The following RBFOX1 variants were observed in gnomAD, a reference collection of about 807,000 sequenced individuals.
RBFOX1 encodes the protein RNA binding protein fox-1 homolog 1.
A neutral mutation model predicts 57.7 loss-of-function variants in RBFOX1; 8 were observed. The observed-to-expected ratio is 0.14, with a 90% CI of 0.08 to 0.25. The LOEUF (loss-of-function observed/expected upper bound fraction) is 0.25. RBFOX1 is among the 10% of genes least tolerant of loss of function. RBFOX1 has a pLI of 1.00. For missense variants in RBFOX1, 611 were observed against 548.5 expected (o/e 1.11, Z -1.14); for synonymous variants, 326 against 222.4 (o/e 1.47, Z -4.15).
intron 4 of RBFOX1, among the ~76,000 whole-genome samples, chr16:7,399,721 A>G (rs966012314): frequency 3.1e-5 from 3 of 97,466 alleles, no homozygotes; most frequent in African/African-American, 1.1e-4. Flanking sequence ...TAAGTTTAAG[A>G]TGACCCCATA....
At chr16:7,606,626 T>G (rs1003345581) in intron 9 of RBFOX1, among the ~76,000 whole-genome samples, 4 of 152,214 alleles carry the variant, frequency 2.6e-5, no homozygotes, top group Admixed American at 2.6e-4. Context: ...CAAAAAACTC[T>G]CCATCCAGAA....
At chr16:7,131,898 T>C (rs2070525730) in intron 4 of RBFOX1, among the ~76,000 whole-genome samples, 1 of 152,132 alleles carries the variant, frequency 6.6e-6, no homozygotes, top group Admixed American at 6.5e-5. Flanking sequence ...GGTGAGAGGC[T>C]TCCCAGTATC....
intron 4 of RBFOX1, among the ~76,000 whole-genome samples, chr16:7,493,391 G>A (rs187245874): frequency 2.6e-5 from 4 of 152,238 alleles, no homozygotes; most frequent in Admixed American, 2.6e-4. Context: ...ACTCAGTAAC[G>A]CCCACAAATC....
chr16:5,912,993 T>C (rs2058635034), intron 4 of RBFOX1, among the ~76,000 whole-genome samples: 1 of 152,120 alleles, frequency 6.6e-6, no homozygotes, highest in African/African-American at 2.4e-5. Context: ...GGATAAAAGT[T>C]CTCTTCTTAG....
intron 2 of RBFOX1, among the ~76,000 whole-genome samples, chr16:6,414,039 C>G (rs1207165324): frequency 1.3e-5 from 2 of 152,176 alleles, no homozygotes; most frequent in African/African-American, 4.8e-5. Context: ...CGCGCAAACA[C>G]AGCAAGTGCA....
At chr16:5,755,580 A>G (rs938004194) in intron 3 of RBFOX1, among the ~76,000 whole-genome samples, 3 of 152,148 alleles carry the variant, frequency 2.0e-5, no homozygotes, top group Admixed American at 1.3e-4. Flanking sequence ...ATCAACTTCC[A>G]TCTAATTACT....
chr16:6,872,476 C>A lies in RBFOX1; in HGVS notation c.-15-179581C>A, dbSNP rs191722107. On this transcript the variant is annotated intron_variant, in intron 3 of 15. Transcript: ENST00000550418. ...ACTTAGGAAACAGCTGAATTAGCCC[C>A]TTGCTTTAGGTTTCAGGCTTCCCTG... Among the ~76,000 whole-genome samples the A allele has an allele frequency of 4.6e-5, 7 of 152,228 alleles. No homozygotes were observed. In the East Asian group the frequency reaches 1.3e-3, roughly 29 times the overall value.
At chr16:5,490,198 G>A in intron 2 of RBFOX1, among the ~76,000 whole-genome samples, 1 of 152,366 alleles carries the variant, frequency 6.6e-6, no homozygotes, top group East Asian at 1.9e-4. Context: ...GACCACCTAT[G>A]TTGGGCTCAT....
chr16:7,527,867 C>T (rs528496924), intron 5 of RBFOX1, among the ~76,000 whole-genome samples: 1 of 152,234 alleles, frequency 6.6e-6, no homozygotes, highest in East Asian at 1.9e-4. Flanking sequence ...ATGTTTTATC[C>T]AGGAGAATAC....
Position 7,570,689 on chromosome 16 carries a change from A to T in RBFOX1, c.271-9088A>T, listed in dbSNP as rs1261337968. Among the ~76,000 whole-genome samples the T allele has an allele frequency of 2.0e-5, 3 of 152,210 alleles. No individual in the cohort carries two copies. In the South Asian group the frequency reaches 6.2e-4, roughly 32 times the overall value. ...TGGAAAACAGTGTGGTGATTCCTCA[A>T]ATACCTGGAACCAGAAATACCATTT... On this transcript the variant is annotated intron_variant, in intron 5 of 15. Coordinates refer to ENST00000550418, the MANE Select transcript of RBFOX1 (RefSeq NM_018723.4).
chr16:7,020,847 C>T (rs1444236934), intron 3 of RBFOX1, among the ~76,000 whole-genome samples: 2 of 152,124 alleles, frequency 1.3e-5, no homozygotes, highest in African/African-American at 2.4e-5. Flanking sequence ...TTTCTCGAGG[C>T]CAGTCTTGAA....
intron 3 of RBFOX1, among the ~76,000 whole-genome samples, chr16:7,031,871 A>C (rs1302030249): frequency 6.6e-6 from 1 of 152,090 alleles, no homozygotes; most frequent in Non-Finnish European, 1.5e-5. Flanking sequence ...GAGCTCCACT[A>C]CCTTGCCTTC....
chr16:7,001,702 C>T (rs1030360011), intron 3 of RBFOX1, among the ~76,000 whole-genome samples: 5 of 152,064 alleles, frequency 3.3e-5, no homozygotes, highest in South Asian at 2.1e-4. Context: ...AGTGATCCAT[C>T]CTCCTTGGCC....
chr16:5,697,256 A>G (rs2050873228), intron 3 of RBFOX1, among the ~76,000 whole-genome samples: 1 of 152,088 alleles, frequency 6.6e-6, no homozygotes, highest in Non-Finnish European at 1.5e-5. Context: ...TGTTCACGTC[A>G]TTTGTCAAGA....
chr16:5,848,624 A>C (rs564630887), intron 3 of RBFOX1, among the ~76,000 whole-genome samples: 1 of 152,154 alleles, frequency 6.6e-6, no homozygotes, highest in Admixed American at 6.6e-5. Context: ...GTCTTCCTAC[A>C]GCAGGTGATG....
chr16:5,794,814 A>C (rs888558802), intron 3 of RBFOX1, among the ~76,000 whole-genome samples: 22 of 152,242 alleles, frequency 1.4e-4, no homozygotes, highest in Non-Finnish European at 3.2e-4. Context: ...ATCTAGGCAG[A>C]GGCTAGTGGC....
intron 3 of RBFOX1, among the ~76,000 whole-genome samples, chr16:6,993,523 C>G (rs777961228): frequency 1.4e-4 from 22 of 152,142 alleles, no homozygotes; most frequent in Non-Finnish European, 2.8e-4. Context: ...ATCAGGAAAC[C>G]TGGTTAAAGG....
At chr16:6,863,835 A>G (rs2142819625) in intron 3 of RBFOX1, among the ~76,000 whole-genome samples, 1 of 150,076 alleles carries the variant, frequency 6.7e-6, no homozygotes, top group African/African-American at 2.5e-5. Flanking sequence ...GAGCCAAATC[A>G]GGTAACCAGA....
intron 1 of RBFOX1, among the ~76,000 whole-genome samples, chr16:5,457,109 C>G (rs2068653651): frequency 6.6e-6 from 1 of 152,122 alleles, no homozygotes. Context: ...TGTGTCCTCA[C>G]ATGGTGGGGA....
Sources: gnomAD v4.1 joint callset for allele counts (sites outside exome capture counted in the v4.1 genomes callset) on GRCh38, gnomAD v4.1.1 for gene constraint, MANE v1.5 for transcripts, NCBI Gene and HGNC (gene_info 2026-07-23, HGNC 2026-07-21) for gene names.